Variants in EPHA4 observed in about 807,000 individuals in gnomAD.
EPHA4 encodes the protein ephrin type-A receptor 4.
A neutral mutation model predicts 108.3 loss-of-function variants in EPHA4; 19 were observed. The ratio of observed to expected loss-of-function variants is 0.18; its 90% CI spans 0.12 to 0.26. The LOEUF (loss-of-function observed/expected upper bound fraction) is 0.26, where lower values mean the gene tolerates loss of function less well. Ranked by LOEUF, EPHA4 falls within the 10% of genes least tolerant of loss-of-function variation. The pLI, the probability that EPHA4 is intolerant of heterozygous loss-of-function variation, is 1.00. For missense variants in EPHA4, 917 were observed against 1,254.0 expected (o/e 0.73, Z 4.06); for synonymous variants, 449 against 455.5 (o/e 0.99, Z 0.18).
intron 3 of EPHA4, among the ~76,000 whole-genome samples, chr2:221,559,879 A>G (rs890506091): frequency 6.6e-6 from 1 of 152,222 alleles, no homozygotes; most frequent in African/African-American, 2.4e-5. Flanking sequence ...TTGTTGTTCT[A>G]CTGAGACCAA....
rs530848828 is a variant in EPHA4 at position 221,462,365 on chromosome 2, C to G, written c.1319-4375G>C. Among the ~76,000 whole-genome samples the G allele has an allele frequency of 2.0e-4, 31 of 151,658 alleles. No individual in the cohort carries two copies. In the South Asian group the frequency reaches 5.9e-3, roughly 29 times the overall value. On this transcript the variant is annotated intron_variant, in intron 5 of 17. Coordinates refer to ENST00000281821, the MANE Select transcript of EPHA4 (RefSeq NM_004438.5). ...ATTTTCCTGGTCTAAGGTGCCTATC[C>G]CCGAGACCATCATTTTTTATTACCC...
intron 3 of EPHA4, among the ~76,000 whole-genome samples, chr2:221,551,583 T>A (rs1559290419): frequency 6.6e-6 from 1 of 152,148 alleles, no homozygotes; most frequent in East Asian, 1.9e-4. Flanking sequence ...TCATATTCAG[T>A]AACCATTTAA....
intron 8 of EPHA4, among the ~76,000 whole-genome samples, chr2:221,452,323 CT>C (rs1690812310): frequency 6.6e-6 from 1 of 152,246 alleles, no homozygotes; most frequent in South Asian, 2.1e-4. Flanking sequence ...CTGTTGCTTT[CT>C]CATACTACTG....
intron 5 of EPHA4, among the ~76,000 whole-genome samples, chr2:221,470,637 G>T (rs1691454071): frequency 7.4e-6 from 1 of 135,270 alleles, no homozygotes; most frequent in Admixed American, 7.5e-5. Context: ...TATCACTTTA[G>T]GGAACCTTTT....
At chr2:221,524,938 A>G (rs2106177607) in intron 3 of EPHA4, among the ~76,000 whole-genome samples, 1 of 152,318 alleles carries the variant, frequency 6.6e-6, no homozygotes, top group East Asian at 1.9e-4. Context: ...TATAACTCCT[A>G]AGTTCTCAAA....
intron 9 of EPHA4, 37 bp downstream of exon 9, chr2:221,446,086 C>T (rs767021969): frequency 2.1e-6 from 3 of 1,396,128 alleles, no homozygotes; most frequent in East Asian, 5.1e-5. Flanking sequence ...GTGTGACATG[C>T]TCTAAAAATA....
chr2:221,491,101 C>G (rs1692129381), intron 4 of EPHA4, among the ~76,000 whole-genome samples: 1 of 152,096 alleles, frequency 6.6e-6, no homozygotes, highest in African/African-American at 2.4e-5. Context: ...CTGGTTCTAT[C>G]TCCTTTCCCA....
chr2:221,565,026 C>A (rs1694586376), intron 2 of EPHA4, among the ~76,000 whole-genome samples: 1 of 151,768 alleles, frequency 6.6e-6, no homozygotes, highest in Non-Finnish European at 1.5e-5. Flanking sequence ...CTGGATTTCT[C>A]AAATATGCTA....
At chr2:221,486,665 C>T (rs533701456) in intron 4 of EPHA4, among the ~76,000 whole-genome samples, 62 of 151,166 alleles carry the variant, frequency 4.1e-4, no homozygotes, top group African/African-American at 1.3e-3. Flanking sequence ...ACCTGGGAGG[C>T]GGAGGTTGCA....
intron 3 of EPHA4, among the ~76,000 whole-genome samples, chr2:221,545,185 C>T (rs958334567): frequency 2.0e-5 from 3 of 152,124 alleles, no homozygotes; most frequent in African/African-American, 4.8e-5. Flanking sequence ...CGGTGGCTCA[C>T]GCCTTTAATC....
intron 4 of EPHA4, among the ~76,000 whole-genome samples, chr2:221,495,146 A>G (rs1003591853): frequency 1.3e-5 from 2 of 152,204 alleles, no homozygotes; most frequent in African/African-American, 4.8e-5. Context: ...TAAAAAGAAA[A>G]ATAATTCCAC....
chr2:221,455,176 T>G (rs192332426), intron 8 of EPHA4, among the ~76,000 whole-genome samples: 1 of 152,296 alleles, frequency 6.6e-6, no homozygotes, highest in African/African-American at 2.4e-5. Flanking sequence ...AGCTGGCAAA[T>G]GGCAGAGCTC....
intron 11 of EPHA4, among the ~76,000 whole-genome samples, chr2:221,439,898 G>C (rs1690363339): frequency 6.6e-6 from 1 of 152,124 alleles, no homozygotes; most frequent in Admixed American, 6.5e-5. Context: ...AGTAACTGCT[G>C]GTAATGAATT....
chr2:221,516,104 A>G (rs913788464), intron 3 of EPHA4, among the ~76,000 whole-genome samples: 4 of 152,180 alleles, frequency 2.6e-5, no homozygotes, highest in Non-Finnish European at 4.4e-5. Flanking sequence ...TCTCCTGTCA[A>G]AAACACAACC....
chr2:221,434,555 T>C (rs761538351), intron 13 of EPHA4, among the ~76,000 whole-genome samples: 12 of 152,198 alleles, frequency 7.9e-5, no homozygotes, highest in Non-Finnish European at 1.8e-4. Context: ...TAAGGCAATA[T>C]TCTAGAAAAA....
intron 17 of EPHA4, among the ~76,000 whole-genome samples, chr2:221,422,276 G>A (rs1297124107): frequency 6.6e-6 from 1 of 152,174 alleles, no homozygotes; most frequent in Non-Finnish European, 1.5e-5. Context: ...GATTTCATCA[G>A]GTGGGCAGGT....
At chr2:221,442,330 A>G (rs1013145228) in intron 11 of EPHA4, among the ~76,000 whole-genome samples, 3 of 152,210 alleles carry the variant, frequency 2.0e-5, no homozygotes, top group Non-Finnish European at 4.4e-5. Context: ...AAGTTCAACC[A>G]GGTGTTACTG....
chr2:221,475,352 A>G (rs553338145), intron 5 of EPHA4, among the ~76,000 whole-genome samples: 15 of 152,360 alleles, frequency 9.8e-5, no homozygotes, highest in African/African-American at 1.4e-4. Flanking sequence ...TATGACTGAA[A>G]TCCTAATTAT....
intron 1 of EPHA4, among the ~76,000 whole-genome samples, chr2:221,570,945 G>T (rs903270360): frequency 6.6e-6 from 1 of 152,174 alleles, no homozygotes; most frequent in Non-Finnish European, 1.5e-5. Flanking sequence ...ATAGATGGAT[G>T]CCGGAAAGGA....
Sources: allele counts gnomAD v4.1 joint callset (sites outside exome capture counted in the v4.1 genomes callset), GRCh38; gene constraint gnomAD v4.1.1; transcripts MANE v1.5; gene names NCBI Gene and HGNC (gene_info 2026-07-23, HGNC 2026-07-21).